MYO9B: variants seen among roughly 807,000 people sequenced by gnomAD.
The protein encoded by MYO9B is unconventional myosin-IXb.
In MYO9B, 71 loss-of-function variants were observed where a neutral mutation model predicts 229.5. That is an observed-to-expected ratio of 0.31 (90% confidence interval 0.26 to 0.38). MYO9B has a LOEUF of 0.38. Among genes scored for constraint, MYO9B ranks in the 10% least tolerant of loss-of-function variants. The probability of loss-of-function intolerance (pLI) is 1.00; values close to 1 mark genes in which losing one functional copy is unlikely to be tolerated. For missense variants in MYO9B, 2,255 were observed against 2,920.5 expected (o/e 0.77, Z 5.25); for synonymous variants, 1,185 against 1,235.8 (o/e 0.96, Z 0.86).
intron 2 of MYO9B, among the ~76,000 whole-genome samples, chr19:17,119,789 C>T (rs531957805): frequency 6.6e-6 from 1 of 152,260 alleles, no homozygotes; most frequent in East Asian, 1.9e-4. Flanking sequence ...GTATCTGGGA[C>T]TACAGGCACC....
intron 1 of MYO9B, among the ~76,000 whole-genome samples, chr19:17,094,140 A>G (rs1163207749): frequency 1.3e-5 from 2 of 151,836 alleles, no homozygotes; most frequent in Non-Finnish European, 2.9e-5. Flanking sequence ...AGTTCAAGGG[A>G]TTCTCCTGCC....
chr19:17,090,474 A>C (rs2123473923), intron 1 of MYO9B, among the ~76,000 whole-genome samples: 1 of 152,184 alleles, frequency 6.6e-6, no homozygotes, highest in African/African-American at 2.4e-5. Context: ...ATGGCCAAAT[A>C]ATATTCTGTT....
intron 2 of MYO9B, among the ~76,000 whole-genome samples, chr19:17,123,806 T>A (rs917663645): frequency 1.3e-5 from 2 of 152,110 alleles, no homozygotes; most frequent in Non-Finnish European, 2.9e-5. Context: ...CCAAACCACA[T>A]GCTTAAGGCA....
chr19:17,135,948 C>T (rs966606896), intron 2 of MYO9B, among the ~76,000 whole-genome samples: 6 of 152,072 alleles, frequency 3.9e-5, no homozygotes, highest in Non-Finnish European at 8.8e-5. Context: ...CAAGGTACTA[C>T]GGGGACCCTG....
chr19:17,133,306 T>G (rs945741710), intron 2 of MYO9B, among the ~76,000 whole-genome samples: 2 of 152,182 alleles, frequency 1.3e-5, no homozygotes, highest in Non-Finnish European at 2.9e-5. Flanking sequence ...AAATCTTCTC[T>G]CTTAGGAATT....
Position 17,200,738 on chromosome 19 carries a change from T to C in MYO9B, c.4472T>C (p.Ile1491Thr), listed in dbSNP as rs1248770412. The C allele has an allele frequency of 1.9e-6, 3 of 1,613,852 alleles. No individual in the cohort carries two copies. The highest frequency in any genetic ancestry group is 2.5e-6 in the Non-Finnish European group (3 of 1,179,894). ...KKNRNVKIGK[I>T]TVSEKWRESV... Reference sequence around the variant, plus strand: ...AACCGAAATGTCAAGATTGGGAAGATCACAGTGTCAGAGAAGTGGCGGGAA... The same window carrying C: ...AACCGAAATGTCAAGATTGGGAAGACCACAGTGTCAGAGAAGTGGCGGGAA... The change falls in exon 26 of 40, where the codon ATC becomes ACC. Residue 1491 changes from isoleucine (I) to threonine (T), a missense_variant. By Grantham distance (89) the Ile-to-Thr change is moderately conservative (BLOSUM62 -1). Coordinates refer to ENST00000682292, the MANE Select transcript of MYO9B (RefSeq NM_004145.4).
intron 2 of MYO9B, among the ~76,000 whole-genome samples, chr19:17,117,147 T>C (rs2057912400): frequency 2.0e-5 from 3 of 152,182 alleles, no homozygotes. Flanking sequence ...TCCAGGGTTA[T>C]GGAGACAGGG....
rs1276150152 is a variant in MYO9B at position 17,172,237 on chromosome 19, A to G, written c.1794-99A>G. 2 of 1,393,178 alleles carry G rather than the reference A, an allele frequency of 1.4e-6. No homozygotes were observed. Among genetic ancestry groups the G allele is most frequent in the Non-Finnish European group, 1.9e-6 (2 of 1,026,522 alleles). The allele number at this position is 1,393,178 out of a possible 1,614,324, so 86.3% of individuals were successfully genotyped here. On this transcript the variant is annotated intron_variant, in intron 11 of 39. Transcript: ENST00000682292. The surrounding 1 kb of genome is among the most constrained non-coding windows in gnomAD (Gnocchi z 8.2). ...CTTCACTGCTCTGCCCACCCCATGCACCCACCCACCTCGTGCACCAGGGGT... is the reference window on the plus strand; with the variant it reads ...CTTCACTGCTCTGCCCACCCCATGCGCCCACCCACCTCGTGCACCAGGGGT...
chr19:17,153,424 C>T (rs2072502250), intron 4 of MYO9B, among the ~76,000 whole-genome samples: 1 of 150,740 alleles, frequency 6.6e-6, no homozygotes, highest in Non-Finnish European at 1.5e-5. Context: ...CAGTGGCTCA[C>T]ACCTGTAATC....
chr19:17,110,194 AG>A (rs2057834263), intron 2 of MYO9B, among the ~76,000 whole-genome samples: 1 of 152,122 alleles, frequency 6.6e-6, no homozygotes, highest in Non-Finnish European at 1.5e-5. Context: ...GCCCCCCGCG[AG>A]GGTTGCAGCC....
At chr19:17,199,700 C>CTTT (rs59510773) in intron 24 of MYO9B, among the ~76,000 whole-genome samples, 1 of 68,782 alleles carries the variant, frequency 1.5e-5, no homozygotes, top group Non-Finnish European at 3.1e-5. Flanking sequence ...CTTTTTTTTT[C>CTTT]TTTTTTTTTT....
chr19:17,195,118 T>G lies in MYO9B; in HGVS notation c.3691T>G (p.Ser1231Ala), dbSNP rs752928090. 1.9e-6 allele frequency: 3 copies of G among 1,612,236 alleles called. No individual in the cohort carries two copies. The African/African-American group carries it at 4.0e-5, about 22-fold the overall frequency. The change falls in exon 22 of 40, where the codon TCT becomes GCT. Residue 1231 changes from serine (S) to alanine (A), a missense_variant. Physicochemically the swap from Ser to Ala is moderately conservative, Grantham distance 99 (BLOSUM62 1). Around this residue, in one of 7 missense-constraint regions of MYO9B, gnomAD observed 679 missense variants for 770.2 expected, o/e 0.88. Coordinates refer to ENST00000682292, the MANE Select transcript of MYO9B (RefSeq NM_004145.4). The surrounding 1 kb of genome is among the most constrained non-coding windows in gnomAD (Gnocchi z 4.5). ...QPQAMAVGKV[S>A]EETEKTLPSG... ...CCAGGCCATGGCAGTTGGCAAGGTC[T>G]CTGAAGAAACTGAGAAGACGCTGCC...
intron 1 of MYO9B, among the ~76,000 whole-genome samples, chr19:17,080,821 A>G (rs899078699): frequency 2.6e-5 from 4 of 151,838 alleles, no homozygotes; most frequent in Admixed American, 1.3e-4. Context: ...GTGAGCTATG[A>G]TCATGGCACT....
intron 1 of MYO9B, among the ~76,000 whole-genome samples, chr19:17,090,892 A>G (rs915674856): frequency 1.3e-5 from 2 of 152,074 alleles, no homozygotes; most frequent in African/African-American, 4.8e-5. Context: ...GCTTCCTTCC[A>G]TTCCCGCCAG....
intron 14 of MYO9B, 77 bp from the exon 15 acceptor site, chr19:17,180,850 G>A (rs2072850893): frequency 1.0e-6 from 1 of 986,912 alleles, no homozygotes; most frequent in East Asian, 2.6e-5. Flanking sequence ...CAATGGCGCT[G>A]GGAACCCCGA....
chr19:17,172,715 G>C lies in MYO9B; in HGVS notation c.1936-44G>C. 1.2e-6 allele frequency: 2 copies of C among 1,601,748 alleles called. No homozygotes were observed. Among genetic ancestry groups the C allele is most frequent in the Non-Finnish European group, 1.7e-6 (2 of 1,169,976 alleles). The stretch of plus-strand genomic sequence containing the variant: ...CCCGGGGTCTTTGGTAGGCGCCGGT[G>C]AGTGACTATCCCCGAGTGACCGCCC... On this transcript the variant is annotated intron_variant, in intron 12 of 39. Transcript: ENST00000682292. The surrounding 1 kb of genome is among the most constrained non-coding windows in gnomAD (Gnocchi z 8.2).
chr19:17,201,192 C>G (rs1239883984), intron 26 of MYO9B, among the ~76,000 whole-genome samples: 1 of 152,206 alleles, frequency 6.6e-6, no homozygotes, highest in African/African-American at 2.4e-5. Context: ...ACGATCGCAG[C>G]ACTGCACTCC....
At chr19:17,130,092 T>C (rs966974413) in intron 2 of MYO9B, among the ~76,000 whole-genome samples, 1 of 152,024 alleles carries the variant, frequency 6.6e-6, no homozygotes, top group Non-Finnish European at 1.5e-5. Flanking sequence ...AGTGCTTGGA[T>C]CATAGATGTG....
intron 2 of MYO9B, among the ~76,000 whole-genome samples, chr19:17,106,536 G>A (rs1179283682): frequency 6.6e-6 from 1 of 152,240 alleles, no homozygotes; most frequent in African/African-American, 2.4e-5. Context: ...ACTGCCAGTG[G>A]CCCCAGTGTC....
Sources: allele counts gnomAD v4.1 joint callset (sites outside exome capture counted in the v4.1 genomes callset), GRCh38; gene constraint gnomAD v4.1.1; regional missense constraint gnomAD v4.1.1; non-coding constraint Gnocchi (gnomAD v3.1); transcripts MANE v1.5; gene names NCBI Gene and HGNC (gene_info 2026-07-23, HGNC 2026-07-21).